Variants in RGMA observed in about 807,000 individuals in gnomAD.
The protein encoded by RGMA is repulsive guidance molecule A.
A neutral mutation model predicts 23.2 loss-of-function variants in RGMA; 10 were observed. The observed-to-expected ratio is 0.43, with a 90% CI of 0.27 to 0.73. The LOEUF is 0.73. Among genes scored for constraint, RGMA ranks in the 30% least tolerant of loss-of-function variants. The pLI is 0.20. For synonymous variants in RGMA, 308 were observed against 279.3 expected (o/e 1.10, Z -1.03); for missense variants, 547 against 630.5 (o/e 0.87, Z 1.42).
Position 93,044,900 on chromosome 15 carries a change from G to T in RGMA, c.*98C>A. 1 of 1,033,684 alleles carries T rather than the reference G, an allele frequency of 9.7e-7. No individual in the cohort carries two copies. Among genetic ancestry groups the T allele is most frequent in the Non-Finnish European group, 1.4e-6 (1 of 715,794 alleles). The allele number at this position is 1,033,684 out of a possible 1,614,324, so 64.0% of individuals were successfully genotyped here. On this transcript the variant is annotated 3_prime_UTR_variant, in exon 4 of 4. Transcript: ENST00000329082. ...GTCCCTGGCGTTCTGCGGGGCCATG[G>T]TGGACACGCCAGGAGATCTGCACCC... is the stretch of plus-strand genomic sequence containing the variant.
In RGMA at chr15:93,038,569, G is replaced by GTTGTTGTTTTTTTTTTTTTTTTTT. The variant is rs1471553159; in HGVS notation, c.*6428_*6429insAAAAAAAAAAAAAAAAAACAACAA. The GTTGTTGTTTTTTTTTTTTTTTTTT allele has an allele frequency of 1.0e-5, 1 of 100,224 alleles. No individual in the cohort carries two copies. The highest frequency in any genetic ancestry group is 3.2e-5 in the African/African-American group (1 of 30,862). The allele number at this position is 100,224 out of a possible 1,614,324, so 6.2% of individuals were successfully genotyped here. ...GCCTTAATGAACGAAACTGTTAGTT[G>GTTGTTGTTTTTTTTTTTTTTTTTT]TTTTTTTTTTTTTTTTGAGACGGTG... On this transcript the variant is annotated 3_prime_UTR_variant, in exon 4 of 4. Transcript: ENST00000329082.
intron 2 of RGMA, among the ~76,000 whole-genome samples, chr15:93,061,189 C>T (rs922054997): frequency 2.0e-5 from 3 of 152,254 alleles, no homozygotes; most frequent in African/African-American, 7.2e-5. Context: ...TAGAGTCACT[C>T]TGTCGCCCAG....
chr15:93,070,480 CA>C (rs1895287765), intron 2 of RGMA, among the ~76,000 whole-genome samples: 1 of 152,218 alleles, frequency 6.6e-6, no homozygotes, highest in Non-Finnish European at 1.5e-5. Context: ...TGCTCTCCAT[CA>C]GACCTGCAAG....
intron 2 of RGMA, 81 bp from the exon 3 acceptor site, chr15:93,052,588 CAGCCACACATCGCCTCATCTAGGGCAG>C: frequency 7.1e-7 from 1 of 1,407,436 alleles, no homozygotes; most frequent in Non-Finnish European, 9.5e-7. Context: ...GCCAGGGGAG[CAGCCACACATCGCCTCATCTAGGGCAG>C]AGCCACCCAT....
At chr15:93,048,092 C>T (rs1457158556) in intron 3 of RGMA, among the ~76,000 whole-genome samples, 1 of 152,096 alleles carries the variant, frequency 6.6e-6, no homozygotes, top group East Asian at 1.9e-4. Flanking sequence ...AGGCCTGAGG[C>T]CTGGAAAGGG....
intron 2 of RGMA, among the ~76,000 whole-genome samples, chr15:93,069,266 C>T (rs568954787): frequency 1.2e-3 from 177 of 152,306 alleles, no homozygotes; most frequent in Non-Finnish European, 1.6e-3. Flanking sequence ...CATGCCACCA[C>T]GCCCAGCTAA....
rs376438901 is a variant in RGMA, at chr15:93,045,339, C to T, written c.1012G>A (p.Gly338Ser). The change falls in exon 4 of 4, where the codon GGT (glycine) becomes AGT (serine). Residue 338 changes from glycine (G) to serine (S), a missense_variant. By Grantham distance (56) the Gly-to-Ser change is moderately conservative (BLOSUM62 0). This residue lies in a region of RGMA where 205 missense variants were observed against 204.1 expected (regional missense o/e 1.00). Coordinates refer to ENST00000329082, the MANE Select transcript of RGMA (RefSeq NM_020211.3). This position sits in a 1 kb window ranked among gnomAD's most constrained non-coding sequence, Gnocchi z 6.9. ...QAFHTNAEGT[G>S]ARRLAAASPA... ...CTGGCGGCTGCCAGCCTGCGGGCAC[C>T]GGTGCCCTCAGCATTGGTGTGGAAG... The T allele has an allele frequency of 9.9e-6, 16 of 1,611,682 alleles. No individual in the cohort carries two copies. Among genetic ancestry groups the T allele is most frequent in the East Asian group, 2.2e-5 (1 of 44,758 alleles).
chr15:93,051,628 G>A (rs972029354), intron 3 of RGMA, among the ~76,000 whole-genome samples: 5 of 152,232 alleles, frequency 3.3e-5, no homozygotes, highest in Admixed American at 6.5e-5. Context: ...CCAGCAGCCC[G>A]CAGTGGCCTC....
chr15:93,046,657 C>T (rs1157013032), intron 3 of RGMA, among the ~76,000 whole-genome samples: 1 of 152,116 alleles, frequency 6.6e-6, no homozygotes, highest in East Asian at 1.9e-4. Context: ...GGGCAAAATC[C>T]ATGCAAGCAG....
At chr15:93,086,473 C>A (rs1895636453) in intron 1 of RGMA, among the ~76,000 whole-genome samples, 1 of 152,288 alleles carries the variant, frequency 6.6e-6, no homozygotes, top group Admixed American at 6.5e-5. Flanking sequence ...TGCAACCATA[C>A]TTGGTAAAAA....
chr15:93,055,952 A>G lies in RGMA; in HGVS notation c.131-3445T>C, dbSNP rs542787511. Among the ~76,000 whole-genome samples the G allele has an allele frequency of 7.2e-5, 11 of 152,336 alleles. No individual in the cohort carries two copies. The East Asian group carries it at 1.9e-3, about 27-fold the overall frequency. ...GAACTCTGGGGTATGTGGGCAGTTCATGACAGAAATCCCACCCAGGTACCC... is the reference window on the plus strand; with the variant it reads ...GAACTCTGGGGTATGTGGGCAGTTCGTGACAGAAATCCCACCCAGGTACCC... On this transcript the variant is annotated intron_variant, in intron 2 of 3. Transcript: ENST00000329082.
intron 3 of RGMA, 167 bp downstream of exon 3, chr15:93,051,826 G>C: frequency 1.4e-6 from 1 of 696,336 alleles, no homozygotes; most frequent in Non-Finnish European, 2.3e-6. Context: ...GAGGGAGGAA[G>C]CTGAGACCCA....
chr15:93,044,513 T>C lies in RGMA; in HGVS notation c.*485A>G. 1 of 159,814 alleles carries C rather than the reference T, an allele frequency of 6.3e-6. No individual in the cohort carries two copies. The highest frequency in any genetic ancestry group is 1.4e-5 in the Non-Finnish European group (1 of 72,846). 9.9% of individuals were successfully genotyped at this position (159,814 alleles called of 1,614,324 possible). A position where few individuals can be genotyped will look rare whatever the true frequency, so the allele number is the denominator to read the frequency against. ...GGGCCAAGCCCCAAGGATGCCTCCC[T>C]GTGTGGCTGGGGTGTCCCCGCTGGC... On this transcript the variant is annotated 3_prime_UTR_variant, in exon 4 of 4. Transcript: ENST00000329082.
At chr15:93,073,487 G>A in intron 1 of RGMA, 5 of 1,221,006 alleles carry the variant, frequency 4.1e-6, no homozygotes, top group East Asian at 2.6e-5. Flanking sequence ...AGGCGGGGCA[G>A]GACGCCCCCT....
chr15:93,072,848 A>T, intron 2 of RGMA, 68 bp downstream of exon 2: 1 of 1,531,004 alleles, frequency 6.5e-7, no homozygotes, highest in African/African-American at 1.4e-5. Flanking sequence ...TCACTCGCGC[A>T]CATCTGGCCC....
intron 2 of RGMA, chr15:93,066,255 G>A: frequency 1.7e-6 from 2 of 1,188,720 alleles, no homozygotes; most frequent in Non-Finnish European, 2.5e-6. Flanking sequence ...TCTTTTAATA[G>A]CTGTCTGGTG....
At chr15:93,066,658 C>G in intron 2 of RGMA, 1 of 439,026 alleles carries the variant, frequency 2.3e-6, no homozygotes, top group South Asian at 1.6e-5. Context: ...CTCATCCTGC[C>G]GGGTCCAGTA....
At chr15:93,069,299 G>C (rs146974371) in intron 2 of RGMA, among the ~76,000 whole-genome samples, 1 of 152,152 alleles carries the variant, frequency 6.6e-6, no homozygotes, top group African/African-American at 2.4e-5. Context: ...CAGTAGAAAC[G>C]GGGTTTCGCT....
In RGMA at chr15:93,040,403, TTCCC is replaced by T. The variant is rs2054709849; in HGVS notation, c.*4591_*4594del. 6.5e-6 allele frequency: 1 copy of T among 152,784 alleles called. No individual in the cohort carries two copies. The highest frequency in any genetic ancestry group is 1.5e-5 in the Non-Finnish European group (1 of 68,426). The allele number at this position is 152,784 out of a possible 1,614,324, so 9.5% of individuals were successfully genotyped here. A position where few individuals can be genotyped will look rare whatever the true frequency, so the allele number is the denominator to read the frequency against. On this transcript the variant is annotated 3_prime_UTR_variant, in exon 4 of 4. Coordinates refer to ENST00000329082, the MANE Select transcript of RGMA (RefSeq NM_020211.3). ...CTTGCTACTGTCCAGTGACAGTGGC[TTCCC>T]ACCATCCCTTAAACTCCCCCTTTGC... is the stretch of plus-strand genomic sequence containing the variant.
Sources: gnomAD v4.1 joint callset for allele counts (sites outside exome capture counted in the v4.1 genomes callset) on GRCh38, gnomAD v4.1.1 for gene constraint, gnomAD v4.1.1 regional missense constraint, Gnocchi (gnomAD v3.1) non-coding constraint, MANE v1.5 for transcripts, NCBI Gene and HGNC (gene_info 2026-07-23, HGNC 2026-07-21) for gene names.